CACNA1I: variants seen among roughly 807,000 people sequenced by gnomAD.
CACNA1I encodes the protein calcium voltage-gated channel subunit alpha1 I.
Under a neutral mutation model 201.6 loss-of-function variants are expected in CACNA1I, and 74 were observed. That is an observed-to-expected ratio of 0.37 (90% CI 0.30 to 0.45). The LOEUF (loss-of-function observed/expected upper bound fraction) is 0.45. CACNA1I is among the 20% of genes least tolerant of loss of function. The probability of loss-of-function intolerance (pLI) is 1.00; values close to 1 mark genes in which losing one functional copy is unlikely to be tolerated. For synonymous variants in CACNA1I, 1,431 were observed against 1,345.2 expected (o/e 1.06, Z -1.40); for missense variants, 2,346 against 3,138.1 (o/e 0.75, Z 6.03).
chr22:39,582,961 C>CATCT (rs60600760), intron 1 of CACNA1I, among the ~76,000 whole-genome samples: 54,487 of 146,294 alleles, frequency 0.37, 11,488 homozygotes, highest in East Asian at 0.82. Context: ...TCCATCCATC[C>CATCT]AACAATCCAT....
intron 3 of CACNA1I, among the ~76,000 whole-genome samples, chr22:39,607,814 C>A (rs932392566): frequency 6.6e-6 from 1 of 151,696 alleles, no homozygotes; most frequent in African/African-American, 2.4e-5. Flanking sequence ...CATGATGAAA[C>A]CCCATGTCTA....
In CACNA1I at chr22:39,677,532, T is replaced by A. The variant is rs978082907; in HGVS notation, c.4933+113T>A. The A allele has an allele frequency of 4.2e-6, 3 of 721,986 alleles. No homozygotes were observed. The highest frequency in any genetic ancestry group is 6.7e-6 in the Non-Finnish European group (3 of 450,754). 44.7% of individuals were successfully genotyped at this position (721,986 alleles called of 1,614,324 possible). On this transcript the variant is annotated intron_variant, in intron 30 of 36. Coordinates refer to ENST00000402142, the MANE Select transcript of CACNA1I (RefSeq NM_021096.4). The surrounding 1 kb of genome is among the most constrained non-coding windows in gnomAD (Gnocchi z 4.8). ...AGCCCGTCACATCAGGGTCTTTGTA[T>A]TGGGGAGATGCCTACAGCAGGGCCC...
intron 1 of CACNA1I, among the ~76,000 whole-genome samples, chr22:39,596,550 T>G: frequency 6.8e-6 from 1 of 146,872 alleles, no homozygotes; most frequent in South Asian, 2.2e-4. Context: ...GATGGGGTAT[T>G]AGGGCCCAGG....
At chr22:39,622,108 C>T (rs1386706771) in intron 4 of CACNA1I, among the ~76,000 whole-genome samples, 1 of 151,804 alleles carries the variant, frequency 6.6e-6, no homozygotes, top group African/African-American at 2.4e-5. Context: ...TGTGCCCCAC[C>T]TGACTTTACT....
chr22:39,599,754 G>A (rs1055799865), intron 2 of CACNA1I, among the ~76,000 whole-genome samples: 5 of 152,098 alleles, frequency 3.3e-5, no homozygotes, highest in Admixed American at 3.3e-4. Context: ...CCCAGGCCTG[G>A]TTAGCCTCAT....
intron 3 of CACNA1I, among the ~76,000 whole-genome samples, chr22:39,604,346 C>T (rs1008836546): frequency 1.3e-5 from 2 of 152,058 alleles, no homozygotes; most frequent in South Asian, 2.1e-4. Flanking sequence ...TCTTGGTCCT[C>T]GAGATGGGGG....
At position 39,576,373 on chromosome 22, in the gene CACNA1I, A is replaced by G. The variant is rs140293125; in HGVS notation, c.236+5385A>G. Among the ~76,000 whole-genome samples the G allele has an allele frequency of 1.5e-4, 23 of 152,362 alleles. No individual in the cohort carries two copies. In the East Asian group the frequency reaches 4.4e-3, roughly 29 times the overall value. ...TTACAGATGAGGAAAGTGAAGCTCA[A>G]AGAGGTTGAGTCACTTTTATCCAGG... On this transcript the variant is annotated intron_variant, in intron 1 of 36. Coordinates refer to ENST00000402142, the MANE Select transcript of CACNA1I (RefSeq NM_021096.4).
chr22:39,658,920 C>A lies in CACNA1I; in HGVS notation c.2145-11C>A. 1 of 1,580,154 alleles carries A rather than the reference C, an allele frequency of 6.3e-7. No individual in the cohort carries two copies. Among genetic ancestry groups the A allele is most frequent in the Non-Finnish European group, 8.6e-7 (1 of 1,166,164 alleles). ...CTACCTGTACCCTGGGCCTGCCCTG[C>A]GGGACCGCAGCATCTGGGAGATTGT... On this transcript the variant is annotated splice_polypyrimidine_tract_variant and intron_variant, in intron 11 of 36. Transcript: ENST00000402142.
chr22:39,632,527 T>G (rs887320995), intron 4 of CACNA1I, among the ~76,000 whole-genome samples: 1 of 147,700 alleles, frequency 6.8e-6, no homozygotes, highest in African/African-American at 2.5e-5. Flanking sequence ...CACAGTCCTT[T>G]GGCTCAACAC....
intron 3 of CACNA1I, among the ~76,000 whole-genome samples, chr22:39,608,226 G>A (rs569193235): frequency 6.2e-4 from 95 of 152,092 alleles, no homozygotes; most frequent in African/African-American, 2.2e-3. Context: ...AGCTTGAACC[G>A]GGTGGTAGAG....
intron 3 of CACNA1I, among the ~76,000 whole-genome samples, chr22:39,603,230 A>T (rs184366864): frequency 2.0e-5 from 3 of 150,838 alleles, no homozygotes; most frequent in Non-Finnish European, 4.4e-5. Context: ...ATGGCCCATT[A>T]TTCTCTGCTG....
chr22:39,655,555 T>C (rs910799741), intron 10 of CACNA1I, among the ~76,000 whole-genome samples: 2 of 152,206 alleles, frequency 1.3e-5, no homozygotes, highest in Non-Finnish European at 2.9e-5. Context: ...GTTCCCATGG[T>C]GTCACTGCTT....
rs56689202 is a variant in CACNA1I, at chr22:39,642,906, C to G, written c.1149+17C>G. 1,650 of 1,548,354 alleles carry G rather than the reference C, an allele frequency of 1.1e-3. 19 individuals are homozygous for G. In the African/African-American group the frequency reaches 0.02, roughly 19 times the overall value. ...CTTATCATAGTAAGTGTCAGGGAGC[C>G]TGGGCTCCTAGGTGTGCTCAGAACC... On this transcript the variant is annotated intron_variant, in intron 7 of 36. Coordinates refer to ENST00000402142, the MANE Select transcript of CACNA1I (RefSeq NM_021096.4).
intron 31 of CACNA1I, among the ~76,000 whole-genome samples, chr22:39,678,673 C>T (rs1041091412): frequency 6.6e-6 from 1 of 152,184 alleles, no homozygotes; most frequent in African/African-American, 2.4e-5. Flanking sequence ...TCTCCTCAGC[C>T]CAGGGCGGGA....
Position 39,661,182 on chromosome 22 carries a change from G to A in CACNA1I, c.2773G>A (p.Gly925Ser). Residue 925 changes from glycine (G) to serine (S), a missense_variant, in exon 16 of 37, where the codon GGT (glycine) becomes AGT (serine). Physicochemically the swap from Gly to Ser is moderately conservative, Grantham distance 56 (BLOSUM62 0). Coordinates refer to ENST00000402142, the MANE Select transcript of CACNA1I (RefSeq NM_021096.4). ...DPSLPLGGHL[G>S]PAGAAGPAPR... ...CAGTCTCCCACTGGGTGGGCACCTA[G>A]GTCCTGCTGGGGCTGCGGGACCTGC... The A allele has an allele frequency of 1.2e-6, 2 of 1,612,922 alleles. No homozygotes were observed. The highest frequency in any genetic ancestry group is 1.7e-6 in the Non-Finnish European group (2 of 1,179,666).
At chr22:39,574,655 G>T in intron 1 of CACNA1I, among the ~76,000 whole-genome samples, 1 of 151,474 alleles carries the variant, frequency 6.6e-6, no homozygotes, top group East Asian at 1.9e-4. Context: ...TGTCTGTCTT[G>T]CATATTCAAT....
chr22:39,641,681 C>T (rs537863959), intron 6 of CACNA1I, among the ~76,000 whole-genome samples: 1 of 152,342 alleles, frequency 6.6e-6, no homozygotes, highest in African/African-American at 2.4e-5. Flanking sequence ...TCACCCAGTG[C>T]ACATAATGCA....
At chr22:39,653,665 G>A (rs1934725618) in intron 10 of CACNA1I, among the ~76,000 whole-genome samples, 1 of 152,206 alleles carries the variant, frequency 6.6e-6, no homozygotes, top group African/African-American at 2.4e-5. Flanking sequence ...GGAGGCGAGG[G>A]TGTGACATCT....
intron 2 of CACNA1I, among the ~76,000 whole-genome samples, chr22:39,598,941 G>GT (rs3044380): frequency 0.03 from 2,072 of 68,138 alleles, 267 homozygotes; most frequent in East Asian, 0.11. Flanking sequence ...TGCCTCTTGG[G>GT]TTTTTTTTTT....
Sources: gnomAD v4.1 joint callset for allele counts (sites outside exome capture counted in the v4.1 genomes callset) on GRCh38, gnomAD v4.1.1 for gene constraint, Gnocchi (gnomAD v3.1) non-coding constraint, MANE v1.5 for transcripts, NCBI Gene and HGNC (gene_info 2026-07-23, HGNC 2026-07-21) for gene names.